The following RHBDD1 variants were observed in gnomAD, a reference collection of about 807,000 sequenced individuals.
The protein encoded by RHBDD1 is rhomboid domain containing 1.
In RHBDD1, 38 loss-of-function variants were observed where a neutral mutation model predicts 36.3. The ratio of observed to expected loss-of-function variants is 1.05; its 90% CI spans 0.81 to 1.37. RHBDD1 has a LOEUF of 1.37. RHBDD1 is among the 40% of genes most tolerant of loss of function. The pLI is 0.00. For missense variants in RHBDD1, 393 were observed against 377.6 expected, an observed-to-expected ratio of 1.04 and a Z score of -0.34; for synonymous variants, 151 against 136.5, an observed-to-expected ratio of 1.11 and a Z score of -0.74.
At chr2:226,960,006 G>T (rs2149261217) in intron 8 of RHBDD1, among the ~76,000 whole-genome samples, 1 of 152,184 alleles carries the variant, frequency 6.6e-6, no homozygotes, top group South Asian at 2.1e-4. Context: ...TACTTTTAAA[G>T]TAGACATGGG....
At chr2:226,892,240 G>A (rs1362026831) in intron 5 of RHBDD1, among the ~76,000 whole-genome samples, 1 of 152,214 alleles carries the variant, frequency 6.6e-6, no homozygotes, top group Non-Finnish European at 1.5e-5. Flanking sequence ...AGTAGTATGT[G>A]ATGTTGATGG....
chr2:226,935,048 C>T (rs1950251966), intron 8 of RHBDD1, among the ~76,000 whole-genome samples: 1 of 152,010 alleles, frequency 6.6e-6, no homozygotes, highest in African/African-American at 2.4e-5. Flanking sequence ...GCCACAATCA[C>T]ACTTTGGCTG....
intron 5 of RHBDD1, 64 bp from the exon 6 acceptor site, chr2:226,906,729 G>A: frequency 6.2e-7 from 1 of 1,613,114 alleles, no homozygotes; most frequent in Non-Finnish European, 8.5e-7. Flanking sequence ...GGGCTAATGA[G>A]AAGACAGAAT....
the RHBDD1 span, among the ~76,000 whole-genome samples, chr2:226,813,833 T>C: frequency 1.3e-5 from 2 of 152,206 alleles, no homozygotes; most frequent in Non-Finnish European, 2.9e-5. Flanking sequence ...CCCCCACCCA[T>C]TAATACCTGA....
At chr2:226,845,816 TA>T (rs1446880795) in intron 3 of RHBDD1, among the ~76,000 whole-genome samples, 1 of 152,250 alleles carries the variant, frequency 6.6e-6, no homozygotes, top group Non-Finnish European at 1.5e-5. Context: ...TAAATGCTTT[TA>T]AAGATATATT....
intron 8 of RHBDD1, among the ~76,000 whole-genome samples, chr2:226,915,826 T>C (rs1194668674): frequency 1.2e-4 from 19 of 152,244 alleles, no homozygotes; most frequent in Admixed American, 1.2e-3. Context: ...CAGTAATCTA[T>C]CACTGTGTTA....
chr2:226,943,924 G>A (rs1316639595), intron 8 of RHBDD1, among the ~76,000 whole-genome samples: 1 of 152,182 alleles, frequency 6.6e-6, no homozygotes, highest in Non-Finnish European at 1.5e-5. Flanking sequence ...TTCTTGGTCT[G>A]TAGGCCCACC....
intron 8 of RHBDD1, among the ~76,000 whole-genome samples, chr2:226,921,022 G>A (rs1949270288): frequency 6.6e-6 from 1 of 152,024 alleles, no homozygotes; most frequent in Non-Finnish European, 1.5e-5. Context: ...TTTTATTATG[G>A]CACCAATCTC....
At chr2:226,817,979 G>A in the RHBDD1 span, among the ~76,000 whole-genome samples, 1 of 152,082 alleles carries the variant, frequency 6.6e-6, no homozygotes, top group Non-Finnish European at 1.5e-5. Context: ...TAACTTAACT[G>A]CATTGTTAAG....
intron 8 of RHBDD1, among the ~76,000 whole-genome samples, chr2:226,979,384 A>G (rs1575417676): frequency 6.6e-6 from 1 of 152,304 alleles, no homozygotes; most frequent in Admixed American, 6.5e-5. Context: ...GGTTCCTGTT[A>G]ACAGGCCCCC....
intron 8 of RHBDD1, among the ~76,000 whole-genome samples, chr2:226,962,348 T>C (rs924055244): frequency 2.0e-5 from 3 of 152,258 alleles, no homozygotes; most frequent in Admixed American, 6.5e-5. Context: ...TGCCTTGATA[T>C]TTACAAGTCT....
the RHBDD1 span, among the ~76,000 whole-genome samples, chr2:226,810,407 T>A: frequency 6.6e-6 from 1 of 151,180 alleles, no homozygotes; most frequent in East Asian, 1.9e-4. Context: ...GGGTGTGGTG[T>A]CAGGCACCTA....
At chr2:226,955,014 TGAGGGTACTGAAAGCAG>T (rs930500980) in intron 8 of RHBDD1, among the ~76,000 whole-genome samples, 13 of 151,692 alleles carry the variant, frequency 8.6e-5, no homozygotes, top group African/African-American at 3.1e-4. Flanking sequence ...TTGGTGTGCT[TGAGGGTACTGAAAGCAG>T]GAGAAGTTGC....
intron 8 of RHBDD1, among the ~76,000 whole-genome samples, chr2:226,924,829 T>TCCC (rs1443612295): frequency 6.6e-6 from 1 of 152,136 alleles, no homozygotes; most frequent in Non-Finnish European, 1.5e-5. Context: ...GTGCTCTCCC[T>TCCC]CCCCCAAGTA....
At chr2:226,875,524 C>T (rs1349032074) in intron 5 of RHBDD1, among the ~76,000 whole-genome samples, 1 of 151,932 alleles carries the variant, frequency 6.6e-6, no homozygotes, top group Non-Finnish European at 1.5e-5. Flanking sequence ...GCAAAAGAAA[C>T]ACTAACTACC....
chr2:226,869,402 T>C (rs545198138), intron 5 of RHBDD1, among the ~76,000 whole-genome samples: 9 of 152,370 alleles, frequency 5.9e-5, no homozygotes, highest in African/African-American at 2.2e-4. Context: ...TTCTTTGAGA[T>C]GGATCTCGGA....
At chr2:226,901,650 C>T (rs1947606432) in intron 5 of RHBDD1, among the ~76,000 whole-genome samples, 1 of 152,096 alleles carries the variant, frequency 6.6e-6, no homozygotes, top group African/African-American at 2.4e-5. Flanking sequence ...AGCAGCTTTT[C>T]ATGTACCTGT....
At chr2:226,859,557 C>G (rs1943652920) in intron 3 of RHBDD1, among the ~76,000 whole-genome samples, 1 of 152,158 alleles carries the variant, frequency 6.6e-6, no homozygotes, top group African/African-American at 2.4e-5. Context: ...GGACCATATG[C>G]CAGTCACTGT....
intron 3 of RHBDD1, among the ~76,000 whole-genome samples, chr2:226,850,309 C>G (rs1942681505): frequency 6.6e-6 from 1 of 152,130 alleles, no homozygotes; most frequent in Admixed American, 6.5e-5. Flanking sequence ...GGAAACCAGT[C>G]GTAGGAGAGT....
Sources: gnomAD v4.1 joint callset for allele counts (sites outside exome capture counted in the v4.1 genomes callset) on GRCh38, gnomAD v4.1.1 for gene constraint, MANE v1.5 for transcripts, NCBI Gene and HGNC (gene_info 2026-07-23, HGNC 2026-07-21) for gene names.